ENTREP2: variants seen among roughly 807,000 people sequenced by gnomAD.
ENTREP2 encodes protein ENTREP2.
chr15:29,434,944 T>C, the ENTREP2 span, among the ~76,000 whole-genome samples: 1 of 152,196 alleles, frequency 6.6e-6, no homozygotes, highest in Admixed American at 6.5e-5. Context: ...AATGGGAGTT[T>C]GTGGCTCCCA....
At chr15:29,382,457 C>T in the ENTREP2 span, among the ~76,000 whole-genome samples, 1 of 151,978 alleles carries the variant, frequency 6.6e-6, no homozygotes, top group Admixed American at 6.5e-5. Flanking sequence ...CGAGCCCCTC[C>T]CCTTCACTCA....
chr15:29,245,455 A>G, the ENTREP2 span, among the ~76,000 whole-genome samples: 1 of 152,050 alleles, frequency 6.6e-6, no homozygotes, highest in Admixed American at 6.6e-5. Flanking sequence ...CAAAAGGGTT[A>G]AAATACGTAA....
At chr15:29,118,610 G>A in the ENTREP2 span, among the ~76,000 whole-genome samples, 8 of 152,220 alleles carry the variant, frequency 5.3e-5, no homozygotes, top group African/African-American at 9.6e-5. Context: ...AGACACGTCC[G>A]CAGAGCACTC....
At chr15:29,481,816 A>G in the ENTREP2 span, among the ~76,000 whole-genome samples, 2 of 151,858 alleles carry the variant, frequency 1.3e-5, no homozygotes, top group African/African-American at 4.8e-5. Context: ...CCTGCCTTCT[A>G]CCCCCACATA....
At chr15:29,171,506 A>ATCCT in the ENTREP2 span, among the ~76,000 whole-genome samples, 1 of 152,198 alleles carries the variant, frequency 6.6e-6, no homozygotes, top group Non-Finnish European at 1.5e-5. Context: ...CAGCTGCAGG[A>ATCCT]GGTCCTGTCT....
the ENTREP2 span, among the ~76,000 whole-genome samples, chr15:29,136,055 C>T: frequency 1.3e-5 from 2 of 152,214 alleles, no homozygotes; most frequent in African/African-American, 2.4e-5. Context: ...AGAAATGGAA[C>T]TGGGGATCTA....
chr15:29,629,981 G>A, the ENTREP2 span, among the ~76,000 whole-genome samples: 4 of 152,038 alleles, frequency 2.6e-5, no homozygotes, highest in African/African-American at 7.2e-5. Context: ...GCGGGGCATG[G>A]TAGTGCACAC....
At chr15:29,304,609 T>G in the ENTREP2 span, among the ~76,000 whole-genome samples, 5 of 152,184 alleles carry the variant, frequency 3.3e-5, no homozygotes, top group African/African-American at 1.2e-4. Flanking sequence ...GAGTGGGCCT[T>G]TAAAAAATTA....
chr15:29,201,156 G>A, the ENTREP2 span, among the ~76,000 whole-genome samples: 1 of 151,996 alleles, frequency 6.6e-6, no homozygotes, highest in South Asian at 2.1e-4. Context: ...AGGCTTGTTT[G>A]TTCTGTTTGT....
the ENTREP2 span, among the ~76,000 whole-genome samples, chr15:29,567,693 C>T: frequency 6.6e-6 from 1 of 152,148 alleles, no homozygotes; most frequent in Non-Finnish European, 1.5e-5. Context: ...CACCAGCAGG[C>T]AGAGGCCACC....
chr15:29,511,956 C>T, the ENTREP2 span, among the ~76,000 whole-genome samples: 2 of 151,486 alleles, frequency 1.3e-5, no homozygotes, highest in Admixed American at 6.6e-5. Context: ...AATCAAAACA[C>T]CTCATGCATA....
the ENTREP2 span, among the ~76,000 whole-genome samples, chr15:29,172,636 GC>G: frequency 7.9e-5 from 12 of 152,124 alleles, no homozygotes; most frequent in South Asian, 4.1e-4. Flanking sequence ...AGGGTCCCTT[GC>G]CCTTCATAAT....
the ENTREP2 span, among the ~76,000 whole-genome samples, chr15:29,493,723 C>T: frequency 3.3e-5 from 5 of 152,156 alleles, no homozygotes; most frequent in African/African-American, 1.2e-4. Context: ...GGCCTGTAAT[C>T]CCAGCACTTT....
At chr15:29,234,678 G>C in the ENTREP2 span, 1 of 1,563,190 alleles carries the variant, frequency 6.4e-7, no homozygotes, top group South Asian at 1.1e-5. Context: ...AAAGTGTAAG[G>C]GTCATTGGGT....
chr15:29,554,237 C>G, the ENTREP2 span, among the ~76,000 whole-genome samples: 1 of 151,596 alleles, frequency 6.6e-6, no homozygotes, highest in Non-Finnish European at 1.5e-5. Flanking sequence ...TTGCTTGAAC[C>G]CAGGAGGCAG....
chr15:29,158,935 G>A, the ENTREP2 span, among the ~76,000 whole-genome samples: 1,396 of 151,904 alleles, frequency 9.2e-3, 20 homozygotes, highest in African/African-American at 0.031. Context: ...GTCTACGTAA[G>A]TTATGGATAT....
chr15:29,292,784 C>G, the ENTREP2 span, among the ~76,000 whole-genome samples: 2 of 152,166 alleles, frequency 1.3e-5, no homozygotes, highest in Non-Finnish European at 2.9e-5. Context: ...AGCTGTACAT[C>G]TTTGGTTTTA....
At chr15:29,647,006 T>A in the ENTREP2 span, among the ~76,000 whole-genome samples, 1 of 152,178 alleles carries the variant, frequency 6.6e-6, no homozygotes, top group African/African-American at 2.4e-5. Flanking sequence ...GTTTCATGCC[T>A]CTCCACCCAC....
chr15:29,397,583 T>A, the ENTREP2 span, among the ~76,000 whole-genome samples: 1 of 152,088 alleles, frequency 6.6e-6, no homozygotes, highest in East Asian at 1.9e-4. Flanking sequence ...GCAAAAAGTA[T>A]AATAAACAAA....
Sources: gnomAD v4.1 joint callset for allele counts (sites outside exome capture counted in the v4.1 genomes callset) on GRCh38, gnomAD v4.1.1 for gene constraint, MANE v1.5 for transcripts, NCBI Gene and HGNC (gene_info 2026-07-23, HGNC 2026-07-21) for gene names.